BBS2: variants seen among roughly 807,000 people sequenced by gnomAD.
BBS2 encodes BBSome complex member BBS2.
A neutral mutation model predicts 83.0 loss-of-function variants in BBS2; 62 were observed. The observed-to-expected ratio is 0.75, with a 90% CI of 0.61 to 0.92. BBS2 has a LOEUF of 0.92. Among genes scored for constraint, BBS2 ranks in the 40% least tolerant of loss-of-function variants. The probability of loss-of-function intolerance (pLI) is 0.00; values close to 1 mark genes in which losing one functional copy is unlikely to be tolerated. For synonymous variants in BBS2, 303 were observed against 326.1 expected, an observed-to-expected ratio of 0.93 and a Z score of 0.76; for missense variants, 784 against 901.0, an observed-to-expected ratio of 0.87 and a Z score of 1.66.
In BBS2 at chr16:56,496,960, TACTC is replaced by T. The variant is rs1460929926; in HGVS notation, c.1910+3_1910+6del. ...CTGCACCTGTACTAACCATGACAAATACTCACATGTCCCTCATCAGACGAGCATC... is the reference window on the plus strand; with the variant it reads ...CTGCACCTGTACTAACCATGACAAATACATGTCCCTCATCAGACGAGCATC... On this transcript the variant is annotated splice_donor_5th_base_variant and intron_variant, in intron 15 of 16. Transcript: ENST00000245157. 1.9e-6 allele frequency: 3 copies of T among 1,603,030 alleles called. No homozygotes were observed. Among genetic ancestry groups the T allele is most frequent in the African/African-American group, 2.7e-5 (2 of 74,800 alleles).
At chr16:56,481,305 C>T (rs1442711580), downstream of BBS2, among the ~76,000 whole-genome samples, 1 of 151,924 alleles carries the variant, frequency 6.6e-6, no homozygotes, top group African/African-American at 2.4e-5. Flanking sequence ...TGGCTCAGCA[C>T]TGGGGCGAGG....
rs1597011884 is a variant in BBS2 at position 56,497,071 on chromosome 16, T to C, written c.1806A>G (p.Glu602=). ...TGAGCTTCTGATGCACTGAATGATA[T>C]TCATCCACCTGGAGACCATGAACAC... The part of the protein sequence containing the change: ...ELRKVLVKVD[E]YHSVHQKLSA... Residue 602 remains glutamate (E), a synonymous_variant, in exon 15 of 17, where the codon GAA becomes GAG. Transcript: ENST00000245157. 1 of 1,608,024 alleles carries C rather than the reference T, an allele frequency of 6.2e-7. No individual in the cohort carries two copies. The highest frequency in any genetic ancestry group is 8.5e-7 in the Non-Finnish European group (1 of 1,174,442).
chr16:56,485,473 T>C, intron 16 of BBS2, 117 bp downstream of exon 16: 7 of 1,335,900 alleles, frequency 5.2e-6, no homozygotes, highest in Admixed American at 1.7e-5. Context: ...AGCTCTGGAG[T>C]GTGAAAGGTA....
chr16:56,470,555 C>A, exon 18 of BBS2: 1 of 1,614,148 alleles, frequency 6.2e-7, no homozygotes, highest in Non-Finnish European at 8.5e-7. Flanking sequence ...TTATTTCGCT[C>A]TGAGGCACTA....
chr16:56,496,886 A>G, intron 15 of BBS2, 81 bp downstream of exon 15: 4 of 1,024,968 alleles, frequency 3.9e-6, no homozygotes, highest in Non-Finnish European at 6.2e-6. Context: ...TTATACTTCT[A>G]TTGGTAACAT....
At chr16:56,475,104 T>C (rs1278303673) in intron 17 of BBS2, among the ~76,000 whole-genome samples, 5 of 152,192 alleles carry the variant, frequency 3.3e-5, no homozygotes, top group Middle Eastern at 3.2e-3. Flanking sequence ...TTACGGGTCA[T>C]GAATTCCAGT....
At chr16:56,470,956 T>A (rs1252116676) in intron 17 of BBS2, among the ~76,000 whole-genome samples, 2 of 152,174 alleles carry the variant, frequency 1.3e-5, no homozygotes, top group African/African-American at 2.4e-5. Flanking sequence ...GCTTACATTC[T>A]AGTAGAAGAA....
At position 56,506,139 on chromosome 16, in the gene BBS2, G is replaced by T; in HGVS notation, c.698C>A (p.Ser233Tyr). 1 of 1,613,758 alleles carries T rather than the reference G, an allele frequency of 6.2e-7. No individual in the cohort carries two copies. The highest frequency in any genetic ancestry group is 8.5e-7 in the Non-Finnish European group (1 of 1,179,718). Residue 233 changes from serine (S) to tyrosine (Y), a missense_variant, in exon 6 of 17, where the codon TCC (serine) becomes TAC (tyrosine). By Grantham distance (144) the Ser-to-Tyr change is moderately radical. Coordinates refer to ENST00000245157, the MANE Select transcript of BBS2 (RefSeq NM_031885.5). Reference protein sequence around the residue: ...NGTVGVYDKTSRYWRIKSKNH... With the variant: ...NGTVGVYDKTYRYWRIKSKNH... Reference sequence around the variant, plus strand: ...ACTAACTTTAATTCTCCAGTATCGGGATGTTTTGTCATAAACTCCAACTGT... The same window carrying T: ...ACTAACTTTAATTCTCCAGTATCGGTATGTTTTGTCATAAACTCCAACTGT...
Position 56,519,751 on chromosome 16 carries a change from C to A in BBS2, c.112G>T (p.Gly38Cys), listed in dbSNP as rs768699088. 2 of 1,612,836 alleles carry A rather than the reference C, an allele frequency of 1.2e-6. No individual in the cohort carries two copies. Among genetic ancestry groups the A allele is most frequent in the Admixed American group, 3.3e-5 (2 of 59,996 alleles). The change falls in exon 1 of 17, where the codon GGC becomes TGC. Residue 38 changes from glycine (G) to cysteine (C), a missense_variant. Coordinates refer to ENST00000245157, the MANE Select transcript of BBS2 (RefSeq NM_031885.5). ...CTGCGGGTGGGAGCGGTTACCTTGC[C>A]CGTTTGGGTGGCGGCCGCCAGGCAC... ...HPCLAAATQT[G>C]KVFIHNPHTR...
chr16:56,500,900 C>G lies in BBS2; in HGVS notation c.1351G>C (p.Val451Leu). The stretch of plus-strand genomic sequence containing the variant: ...GCCTTCAAGTGCAGATCCACAGGGA[C>G]ATCTTTGGGAGGCACAATAGGGATG... Reference protein sequence around the residue: ...ICIPIVPPKDVPVDLHLKAFV... With the variant: ...ICIPIVPPKDLPVDLHLKAFV... Residue 451 changes from valine (V) to leucine (L), a missense_variant, in exon 11 of 17, where the codon GTC becomes CTC. By Grantham distance (32) the Val-to-Leu change is conservative (BLOSUM62 1). Transcript: ENST00000245157. The G allele has an allele frequency of 6.2e-7, 1 of 1,614,138 alleles. No individual in the cohort carries two copies. Among genetic ancestry groups the G allele is most frequent in the South Asian group, 1.1e-5 (1 of 91,084 alleles).
intron 17 of BBS2, chr16:56,478,968 ACTTCATTTTGCAT>A (rs534880549): frequency 4.6e-5 from 7 of 152,310 alleles, no homozygotes; most frequent in Admixed American, 3.3e-4. Context: ...TCCTTATAGT[ACTTCATTTTGCAT>A]CTTGATTGCT....
chr16:56,514,803 T>A (rs1220148784), intron 1 of BBS2, 123 bp from the exon 2 acceptor site: 2 of 733,920 alleles, frequency 2.7e-6, no homozygotes, highest in East Asian at 2.7e-5. Context: ...TAATCTCCTA[T>A]GAAACTTAAA....
chr16:56,502,936 A>G, intron 7 of BBS2, 128 bp from the exon 8 acceptor site: 1 of 1,180,730 alleles, frequency 8.5e-7, no homozygotes, highest in Non-Finnish European at 1.2e-6. Context: ...ATGAAGCCCT[A>G]CAACTTCTCA....
At position 56,501,417 on chromosome 16, in the gene BBS2, G is replaced by C. The variant is rs71387119; in HGVS notation, c.1161C>G (p.Leu387=). 1.2e-6 allele frequency: 2 copies of C among 1,614,174 alleles called. No homozygotes were observed. Residue 387 remains leucine, a synonymous_variant, in exon 10 of 17, where the codon CTC becomes CTG. Transcript: ENST00000245157. The stretch of plus-strand genomic sequence containing the variant: ...GGGTCTCATTCCCCAGGCTGACTGA[G>C]AGCGTGGTGTGGAGCCTGGTATTGG... The part of the protein sequence containing the change: ...IPANTRLHTT[L]SVSLGNETQT...
intron 15 of BBS2, among the ~76,000 whole-genome samples, chr16:56,493,411 C>T (rs1238634741): frequency 7.3e-6 from 1 of 137,644 alleles, no homozygotes; most frequent in Non-Finnish European, 1.6e-5. Context: ...AAAAAAAAAC[C>T]AAGGTGGAGA....
At chr16:56,513,325 AAC>A (rs1284932884) in intron 2 of BBS2, among the ~76,000 whole-genome samples, 1 of 152,242 alleles carries the variant, frequency 6.6e-6, no homozygotes, top group Non-Finnish European at 1.5e-5. Context: ...AAATTACATT[AAC>A]ACAATGAAAT....
intron 7 of BBS2, 144 bp from the exon 8 acceptor site, chr16:56,502,952 T>C (rs1964320078): frequency 3.1e-6 from 3 of 983,432 alleles, no homozygotes; most frequent in Non-Finnish European, 4.6e-6. Flanking sequence ...TCTCAGGAGA[T>C]ACCTATGACT....
chr16:56,497,127 T>C (rs755451867), intron 14 of BBS2, 48 bp from the exon 15 acceptor site: 2 of 1,207,018 alleles, frequency 1.7e-6, no homozygotes, highest in Admixed American at 1.7e-5. Context: ...ACAAACTTCT[T>C]GAACCCAGAC....
chr16:56,515,337 G>A (rs559802892), intron 1 of BBS2, among the ~76,000 whole-genome samples: 32 of 152,178 alleles, frequency 2.1e-4, no homozygotes, highest in African/African-American at 1.7e-4. Context: ...GTAAAAAGGA[G>A]GTTTGGACTA....
Sources: gnomAD v4.1 joint callset for allele counts (sites outside exome capture counted in the v4.1 genomes callset) on GRCh38, gnomAD v4.1.1 for gene constraint, MANE v1.5 for transcripts, NCBI Gene and HGNC (gene_info 2026-07-23, HGNC 2026-07-21) for gene names.